RHOU: variants seen among roughly 807,000 people sequenced by gnomAD.
The protein encoded by RHOU is rho-related GTP-binding protein RhoU.
A neutral mutation model predicts 12.6 loss-of-function variants in RHOU; 8 were observed. That is an observed-to-expected ratio of 0.64 (90% CI 0.37 to 1.15). The LOEUF (loss-of-function observed/expected upper bound fraction) is 1.15. RHOU is among the 50% of genes most tolerant of loss of function. The pLI is 0.01. For missense variants in RHOU, 258 were observed against 347.0 expected, an observed-to-expected ratio of 0.74 and a Z score of 2.04; for synonymous variants, 161 against 147.4, an observed-to-expected ratio of 1.09 and a Z score of -0.67.
At chr1:228,734,810 G>A (rs1329120710), upstream of RHOU, among the ~76,000 whole-genome samples, 2 of 152,122 alleles carry the variant, frequency 1.3e-5, no homozygotes, top group Non-Finnish European at 2.9e-5. Flanking sequence ...TAATGTCTCC[G>A]AATTACCTTT....
chr1:228,720,173 A>T, the RHOU span, among the ~76,000 whole-genome samples: 1 of 152,126 alleles, frequency 6.6e-6, no homozygotes, highest in Non-Finnish European at 1.5e-5. Context: ...ACAGAAAATT[A>T]AAAGAAAAAA....
At chr1:228,735,311 G>C (rs1273723010), upstream of RHOU, 1 of 152,258 alleles carries the variant, frequency 6.6e-6, no homozygotes, top group Non-Finnish European at 1.5e-5. The surrounding 1 kb of genome is among the most constrained non-coding windows in gnomAD (Gnocchi z 8.1). Flanking sequence ...GCCTGGTCGC[G>C]GCGGCGCCTC....
At chr1:228,660,541 C>T in the RHOU span, among the ~76,000 whole-genome samples, 2 of 151,660 alleles carry the variant, frequency 1.3e-5, no homozygotes. Context: ...AGAATAATAT[C>T]CCATATGAAG....
At chr1:228,659,955 C>CAAA in the RHOU span, among the ~76,000 whole-genome samples, 71 of 34,190 alleles carry the variant, frequency 2.1e-3, 2 homozygotes, top group Middle Eastern at 0.025. Context: ...CTGGTCTCTA[C>CAAA]AAAAAAAAAA....
the RHOU span, among the ~76,000 whole-genome samples, chr1:228,729,096 A>G: frequency 0.17 from 25,556 of 151,858 alleles, 2,823 homozygotes; most frequent in African/African-American, 0.31. Context: ...GAGTTTCACC[A>G]TATTGGCCAG....
chr1:228,689,993 G>T, the RHOU span, among the ~76,000 whole-genome samples: 1 of 149,110 alleles, frequency 6.7e-6, no homozygotes, highest in African/African-American at 2.6e-5. Flanking sequence ...GCCTGAAACC[G>T]GAATTTAAAA....
In RHOU at chr1:228,737,116, CT is replaced by C. The variant is rs1026057546; in HGVS notation, c.263-551del. Among the ~76,000 whole-genome samples the C allele has an allele frequency of 4.6e-5, 7 of 152,190 alleles. No homozygotes were observed. The highest frequency in any genetic ancestry group is 1.7e-4 in the African/African-American group (7 of 41,458). ...CCAGTGGAAAGGGGGCCATGGCTTT[CT>C]TTTTTCTTTTTTAATCCTCCTTTTG... is the stretch of plus-strand genomic sequence containing the variant. On this transcript the variant is annotated intron_variant, in intron 1 of 2. Transcript: ENST00000366691. The surrounding 1 kb of genome is among the most constrained non-coding windows in gnomAD (Gnocchi z 4.1).
chr1:228,682,287 G>A, the RHOU span, among the ~76,000 whole-genome samples: 51 of 152,236 alleles, frequency 3.4e-4, no homozygotes, highest in Non-Finnish European at 1.8e-4. Flanking sequence ...TCTTCACGGA[G>A]TGAGGGTGAG....
At chr1:228,715,500 T>G in the RHOU span, among the ~76,000 whole-genome samples, 11 of 152,172 alleles carry the variant, frequency 7.2e-5, no homozygotes, top group African/African-American at 2.7e-4. Context: ...TTTGGTAATA[T>G]TGGTAGAATA....
At chr1:228,699,255 G>A in the RHOU span, among the ~76,000 whole-genome samples, 6 of 151,164 alleles carry the variant, frequency 4.0e-5, no homozygotes, top group African/African-American at 1.5e-4. Context: ...AGACCAATCT[G>A]GGCAACAAGA....
the RHOU span, among the ~76,000 whole-genome samples, chr1:228,656,890 G>T: frequency 1.3e-5 from 2 of 152,108 alleles, no homozygotes; most frequent in African/African-American, 2.4e-5. Context: ...ATGGAGATTG[G>T]CAGAATAGAC....
intron 2 of RHOU, among the ~76,000 whole-genome samples, chr1:228,739,103 AG>A (rs1422385696): frequency 6.6e-6 from 1 of 152,204 alleles, no homozygotes. Context: ...CCTGGGCGAC[AG>A]AGCAAGATCC....
chr1:228,664,250 C>CTCAAGCG, the RHOU span, among the ~76,000 whole-genome samples: 86,117 of 150,532 alleles, frequency 0.57, 25,814 homozygotes, highest in African/African-American at 0.77. Flanking sequence ...AACTCCTGGG[C>CTCAAGCG]ATCGGCCCTC....
chr1:228,654,142 C>T, the RHOU span, among the ~76,000 whole-genome samples: 12 of 150,410 alleles, frequency 8.0e-5, no homozygotes, highest in African/African-American at 2.9e-4. Flanking sequence ...CAGAGTCTTG[C>T]TCTGTCACTC....
chr1:228,681,531 C>T, the RHOU span, among the ~76,000 whole-genome samples: 454 of 152,096 alleles, frequency 3.0e-3, 3 homozygotes, highest in African/African-American at 0.011. Context: ...GGAACAGAGA[C>T]TAAGGAGGGA....
chr1:228,728,958 C>T, the RHOU span, among the ~76,000 whole-genome samples: 25,157 of 150,934 alleles, frequency 0.17, 2,744 homozygotes, highest in African/African-American at 0.31. Flanking sequence ...TGCAGTGGCA[C>T]GATCTTGCCT....
At chr1:228,652,732 CA>C in the RHOU span, among the ~76,000 whole-genome samples, 1 of 152,072 alleles carries the variant, frequency 6.6e-6, no homozygotes, top group Non-Finnish European at 1.5e-5. Context: ...TTTAGCAAAA[CA>C]AAAAATTAAT....
the RHOU span, among the ~76,000 whole-genome samples, chr1:228,723,758 A>G: frequency 2.6e-5 from 4 of 152,302 alleles, no homozygotes; most frequent in Non-Finnish European, 4.4e-5. Context: ...ACATATTCCA[A>G]TGGCTCCCAG....
the RHOU span, among the ~76,000 whole-genome samples, chr1:228,676,076 G>A: frequency 3.3e-5 from 5 of 152,186 alleles, no homozygotes; most frequent in African/African-American, 9.6e-5. Flanking sequence ...ATAACAAGTG[G>A]CTTCAAGAGG....
Sources: allele counts gnomAD v4.1 joint callset (sites outside exome capture counted in the v4.1 genomes callset), GRCh38; gene constraint gnomAD v4.1.1; non-coding constraint Gnocchi (gnomAD v3.1); transcripts MANE v1.5; gene names NCBI Gene and HGNC (gene_info 2026-07-23, HGNC 2026-07-21).